CNTN4: variants seen among roughly 807,000 people sequenced by gnomAD.
The protein encoded by CNTN4 is contactin 4, also known as contactin-4.
Under a neutral mutation model 122.5 loss-of-function variants are expected in CNTN4, and 77 were observed. That is an observed-to-expected ratio of 0.63 (90% CI 0.52 to 0.76). CNTN4 has a LOEUF of 0.76. Among genes scored for constraint, CNTN4 ranks in the 30% least tolerant of loss-of-function variants. CNTN4 has a pLI of 0.00. For synonymous variants in CNTN4, 512 were observed against 447.0 expected (o/e 1.15, Z -1.83); for missense variants, 1,256 against 1,259.1 (o/e 1.00, Z 0.04).
intron 20 of CNTN4, among the ~76,000 whole-genome samples, chr3:3,041,412 A>T (rs1700151874): frequency 6.6e-6 from 1 of 152,194 alleles, no homozygotes; most frequent in African/African-American, 2.4e-5. Context: ...GGATTATGAA[A>T]ATGAGAGGAA....
intron 6 of CNTN4, among the ~76,000 whole-genome samples, chr3:2,788,885 A>C (rs898447272): frequency 6.6e-6 from 1 of 152,248 alleles, no homozygotes; most frequent in Non-Finnish European, 1.5e-5. Context: ...AAGATATAAC[A>C]GTCAAAGACT....
chr3:2,656,404 T>G (rs902967441), intron 4 of CNTN4, among the ~76,000 whole-genome samples: 1 of 152,212 alleles, frequency 6.6e-6, no homozygotes, highest in Non-Finnish European at 1.5e-5. Context: ...AGATCCCCTA[T>G]CTGGTTCTCT....
chr3:2,518,693 G>A (rs540738480), intron 3 of CNTN4, among the ~76,000 whole-genome samples: 3 of 152,144 alleles, frequency 2.0e-5, no homozygotes, highest in South Asian at 2.1e-4. Context: ...GAATTGTTTA[G>A]CCCATGGCTA....
At chr3:2,464,399 C>G (rs1037319431) in intron 3 of CNTN4, among the ~76,000 whole-genome samples, 5 of 152,178 alleles carry the variant, frequency 3.3e-5, no homozygotes, top group African/African-American at 1.2e-4. Flanking sequence ...TTGTGTAACT[C>G]CCTCTACCTG....
chr3:2,253,114 A>AT (rs918297491), intron 2 of CNTN4, among the ~76,000 whole-genome samples: 15 of 148,510 alleles, frequency 1.0e-4, no homozygotes, highest in African/African-American at 1.2e-4. Flanking sequence ...TAGTAGTTTC[A>AT]TTTTTTTTTC....
chr3:2,925,859 G>A (rs1270694070), intron 13 of CNTN4, 80 bp downstream of exon 13: 19 of 1,246,006 alleles, frequency 1.5e-5, no homozygotes, highest in Non-Finnish European at 1.9e-5. Context: ...TAAGGGGAAG[G>A]TGGGGTGACT....
In CNTN4 at chr3:3,056,393, T is replaced by C. The variant is rs1053437331; in HGVS notation, c.*173T>C. 1.5e-5 allele frequency: 9 copies of C among 591,448 alleles called. No individual in the cohort carries two copies. In the African/African-American group the frequency reaches 1.7e-4, roughly 11 times the overall value. 36.6% of individuals were successfully genotyped at this position (591,448 alleles called of 1,614,324 possible). ...ATACAGTACTTCCTCAAAGCAAATC[T>C]AGCTTTGTCTGAAGTTTCTTTGGAA... On this transcript the variant is annotated 3_prime_UTR_variant, in exon 25 of 25. Transcript: ENST00000418658.
rs150710215 is a variant in CNTN4, at chr3:2,719,335, G to A, written c.56-16880G>A. Among the ~76,000 whole-genome samples, 639 of 148,210 alleles carry A rather than the reference G, an allele frequency of 4.3e-3. 7 individuals carry two copies. Among genetic ancestry groups the A allele is most frequent in the African/African-American group, 0.015 (615 of 40,070 alleles). ...TTTTTAGACAGAGTCTCACTCTGTCGCCCAGGCTGGAATGCAGTGTCATGA... is the reference window on the plus strand; with the variant it reads ...TTTTTAGACAGAGTCTCACTCTGTCACCCAGGCTGGAATGCAGTGTCATGA... On this transcript the variant is annotated intron_variant, in intron 4 of 24. Transcript: ENST00000418658.
intron 3 of CNTN4, among the ~76,000 whole-genome samples, chr3:2,394,037 A>T (rs1502565): frequency 6.6e-6 from 1 of 152,110 alleles, no homozygotes; most frequent in African/African-American, 2.4e-5. Flanking sequence ...TAAGACTCCA[A>T]TGTTGGTCAG....
At chr3:2,555,770 G>C (rs2078695268) in intron 3 of CNTN4, among the ~76,000 whole-genome samples, 1 of 152,174 alleles carries the variant, frequency 6.6e-6, no homozygotes, top group African/African-American at 2.4e-5. Flanking sequence ...GGTTTTTACT[G>C]ACTTTGTGAA....
intron 2 of CNTN4, among the ~76,000 whole-genome samples, chr3:2,267,342 T>C (rs1259806219): frequency 2.0e-5 from 3 of 152,142 alleles, no homozygotes. Flanking sequence ...TTTTCTTTCC[T>C]AACAAAGAAA....
chr3:2,724,615 A>G (rs990552703), intron 4 of CNTN4, among the ~76,000 whole-genome samples: 1 of 152,168 alleles, frequency 6.6e-6, no homozygotes, highest in Non-Finnish European at 1.5e-5. Flanking sequence ...GAAGTAGGGT[A>G]CTTTAGCTGC....
At chr3:2,311,668 G>C (rs2042921879) in intron 2 of CNTN4, among the ~76,000 whole-genome samples, 1 of 152,108 alleles carries the variant, frequency 6.6e-6, no homozygotes, top group Non-Finnish European at 1.5e-5. Context: ...GGCATGCTAA[G>C]AGTAGTTTGT....
intron 2 of CNTN4, among the ~76,000 whole-genome samples, chr3:2,246,420 A>G (rs1438604447): frequency 6.6e-6 from 1 of 151,956 alleles, no homozygotes; most frequent in East Asian, 1.9e-4. Context: ...ATCATATTAC[A>G]TTTTTTTGAG....
chr3:2,196,613 C>G (rs1339076480), intron 2 of CNTN4, among the ~76,000 whole-genome samples: 1 of 152,072 alleles, frequency 6.6e-6, no homozygotes, highest in African/African-American at 2.4e-5. Context: ...CTAGTACGTA[C>G]CCTATACCAA....
chr3:2,805,131 C>T lies in CNTN4; in HGVS notation c.359-14355C>T, dbSNP rs148558048. ...GGCGGAGGTTGCAGTGAGCCGAGACCGCACCATCGCACTCCAGCCTGTGCA... is the reference window on the plus strand; with the variant it reads ...GGCGGAGGTTGCAGTGAGCCGAGACTGCACCATCGCACTCCAGCCTGTGCA... On this transcript the variant is annotated intron_variant, in intron 6 of 24. Coordinates refer to ENST00000418658, the MANE Select transcript of CNTN4 (RefSeq NM_175607.3). Among the ~76,000 whole-genome samples the T allele has an allele frequency of 6.5e-3, 984 of 152,056 alleles. 10 individuals carry two copies. The highest frequency in any genetic ancestry group is 0.022 in the African/African-American group (925 of 41,460).
At position 2,546,485 on chromosome 3, in the gene CNTN4, G is replaced by A. The variant is rs182163714; in HGVS notation, c.-88-24931G>A. On this transcript the variant is annotated intron_variant, in intron 3 of 24. Transcript: ENST00000418658. The stretch of plus-strand genomic sequence containing the variant: ...ACAAAGAGGGGAAGAATAGGCACTG[G>A]GGCCTCCTTGAGGGTGGCGAGTGTG... 6.6e-5 allele frequency among the ~76,000 whole-genome samples: 10 copies of A among 152,100 alleles called. No homozygotes were observed. The East Asian group carries it at 1.9e-3, about 29-fold the overall frequency.
chr3:2,171,410 AAAAG>A (rs1179058703), intron 2 of CNTN4, among the ~76,000 whole-genome samples: 2 of 152,322 alleles, frequency 1.3e-5, no homozygotes, highest in South Asian at 2.1e-4. Context: ...TGTGTGTAGA[AAAAG>A]AAAATAATGT....
chr3:2,383,806 C>G (rs557643261), intron 3 of CNTN4, among the ~76,000 whole-genome samples: 9 of 150,864 alleles, frequency 6.0e-5, no homozygotes, highest in Middle Eastern at 3.4e-3. Flanking sequence ...TCTCTTCTCC[C>G]TCTGTCTCCC....
Sources: allele counts gnomAD v4.1 joint callset (sites outside exome capture counted in the v4.1 genomes callset), GRCh38; gene constraint gnomAD v4.1.1; transcripts MANE v1.5; gene names NCBI Gene and HGNC (gene_info 2026-07-23, HGNC 2026-07-21).